The following MAD1L1 variants were observed in gnomAD, a reference collection of about 807,000 sequenced individuals.
MAD1L1 encodes mitotic arrest deficient 1 like 1, also known as mitotic spindle assembly checkpoint protein MAD1.
A neutral mutation model predicts 96.9 loss-of-function variants in MAD1L1; 95 were observed. The ratio of observed to expected loss-of-function variants is 0.98; its 90% confidence interval spans 0.83 to 1.16. The LOEUF (loss-of-function observed/expected upper bound fraction) is 1.16, where lower values mean the gene tolerates loss of function less well. Ranked by LOEUF, MAD1L1 falls within the 50% of genes most tolerant of loss-of-function variation. The pLI is 0.00. For synonymous variants in MAD1L1, 473 were observed against 396.6 expected (o/e 1.19, Z -2.29); for missense variants, 1,007 against 954.4 (o/e 1.06, Z -0.73).
intron 15 of MAD1L1, among the ~76,000 whole-genome samples, chr7:1,973,087 T>C (rs1282014691): frequency 6.6e-6 from 1 of 152,240 alleles, no homozygotes; most frequent in East Asian, 1.9e-4. Flanking sequence ...CTGTTGTGAC[T>C]GTCCCAGGTG....
rs1791251773 is a variant in MAD1L1, at chr7:2,182,566, A to G, written c.986+30646T>C. Among the ~76,000 whole-genome samples, 4 of 152,322 alleles carry G rather than the reference A, an allele frequency of 2.6e-5. No individual in the cohort carries two copies. The South Asian group carries it at 8.3e-4, about 32-fold the overall frequency. Reference sequence around the variant, plus strand: ...AGAAAGTGAAACAACCCAAATGTCTACAGCTGATGAATGGGTCACTGAAAT... The same window carrying G: ...AGAAAGTGAAACAACCCAAATGTCTGCAGCTGATGAATGGGTCACTGAAAT... On this transcript the variant is annotated intron_variant, in intron 10 of 18. Coordinates refer to ENST00000265854, the MANE Select transcript of MAD1L1 (RefSeq NM_001013836.2).
chr7:1,995,644 G>A (rs1781521917), intron 14 of MAD1L1, among the ~76,000 whole-genome samples: 1 of 152,144 alleles, frequency 6.6e-6, no homozygotes, highest in Non-Finnish European at 1.5e-5. Flanking sequence ...CCCCAGACCT[G>A]CCCCAGACAC....
At chr7:1,920,421 T>C (rs1018885633) in intron 17 of MAD1L1, among the ~76,000 whole-genome samples, 2 of 152,154 alleles carry the variant, frequency 1.3e-5, no homozygotes, top group African/African-American at 2.4e-5. Context: ...AGCCTCACAC[T>C]GTGTTGTGGA....
chr7:2,130,244 T>C lies in MAD1L1; in HGVS notation c.1073+18908A>G, dbSNP rs537092090. The stretch of plus-strand genomic sequence containing the variant: ...GGGAGCTGTGCCAGCAGCATTCAGG[T>C]GCCTCCCCGCTGAAATATTTCAGTC... On this transcript the variant is annotated intron_variant, in intron 11 of 18. Transcript: ENST00000265854. Among the ~76,000 whole-genome samples, 51 of 152,278 alleles carry C rather than the reference T, an allele frequency of 3.3e-4. 2 individuals carry two copies. The South Asian group carries it at 0.011, about 32-fold the overall frequency.
At chr7:1,899,814 G>A (rs1287400810) in intron 17 of MAD1L1, among the ~76,000 whole-genome samples, 1 of 152,222 alleles carries the variant, frequency 6.6e-6, no homozygotes, top group Non-Finnish European at 1.5e-5. Flanking sequence ...GTTTAAGGTG[G>A]ACGATGCAGT....
intron 12 of MAD1L1, among the ~76,000 whole-genome samples, chr7:2,065,568 C>T (rs1490143631): frequency 6.6e-6 from 1 of 152,194 alleles, no homozygotes; most frequent in Non-Finnish European, 1.5e-5. Flanking sequence ...GAGGAACGTG[C>T]TCATTCAGCC....
At chr7:2,082,926 A>G (rs1469014366) in intron 11 of MAD1L1, among the ~76,000 whole-genome samples, 4 of 152,198 alleles carry the variant, frequency 2.6e-5, no homozygotes, top group Admixed American at 6.5e-5. Context: ...GACCCAAAGC[A>G]CAGAAGTCAA....
chr7:2,171,930 TG>T (rs1790727152), intron 10 of MAD1L1, among the ~76,000 whole-genome samples: 1 of 152,122 alleles, frequency 6.6e-6, no homozygotes, highest in African/African-American at 2.4e-5. Flanking sequence ...GGAGGGTCCC[TG>T]GGATAGACAC....
intron 14 of MAD1L1, among the ~76,000 whole-genome samples, chr7:1,984,234 C>T (rs1781048577): frequency 6.6e-6 from 1 of 151,942 alleles, no homozygotes; most frequent in Non-Finnish European, 1.5e-5. Context: ...GTGTTAGGAG[C>T]TTTTTTTTCC....
chr7:1,915,529 C>T (rs1788327855), intron 17 of MAD1L1, among the ~76,000 whole-genome samples: 1 of 152,220 alleles, frequency 6.6e-6, no homozygotes, highest in South Asian at 2.1e-4. Flanking sequence ...AGCGGTGTTC[C>T]ACGGCGGGCT....
chr7:1,827,662 G>A (rs367998855), intron 18 of MAD1L1, among the ~76,000 whole-genome samples: 2 of 66,904 alleles, frequency 3.0e-5, no homozygotes, highest in East Asian at 3.7e-4. Flanking sequence ...TCCTGAGCCC[G>A]GCCCGGGTGT....
chr7:2,007,410 G>A (rs1033256323), intron 13 of MAD1L1, among the ~76,000 whole-genome samples: 8 of 152,370 alleles, frequency 5.3e-5, no homozygotes, highest in Admixed American at 3.3e-4. Context: ...GGCCCGGCCC[G>A]GTGGCTCACG....
intron 17 of MAD1L1, among the ~76,000 whole-genome samples, chr7:1,910,100 A>T (rs947561679): frequency 6.6e-6 from 1 of 152,146 alleles, no homozygotes; most frequent in Non-Finnish European, 1.5e-5. Context: ...CTGGGGTGAC[A>T]GGCGGGCGCG....
intron 11 of MAD1L1, among the ~76,000 whole-genome samples, chr7:2,098,027 C>G (rs1786582848): frequency 6.6e-6 from 1 of 152,322 alleles, no homozygotes; most frequent in Non-Finnish European, 1.5e-5. Flanking sequence ...GCTTCACCTC[C>G]AGCGGGAGGA....
rs542177696 is a variant in MAD1L1, at chr7:2,132,376, C to T, written c.1073+16776G>A. Among the ~76,000 whole-genome samples the T allele has an allele frequency of 1.1e-4, 17 of 149,384 alleles. No homozygotes were observed. The East Asian group carries it at 2.2e-3, about 19-fold the overall frequency. On this transcript the variant is annotated intron_variant, in intron 11 of 18. Transcript: ENST00000265854. ...CGAACGCATGTCTGCAGTCCCTGTG[C>T]GACCGCGCGTCCACCATCACGGCCG...
chr7:2,154,678 G>T (rs956821870), intron 10 of MAD1L1, among the ~76,000 whole-genome samples: 10 of 152,194 alleles, frequency 6.6e-5, no homozygotes, highest in Non-Finnish European at 1.0e-4. Context: ...CTCTGGGGAT[G>T]AAGTGTATGA....
At chr7:2,099,314 G>C (rs536600870) in intron 11 of MAD1L1, among the ~76,000 whole-genome samples, 1 of 152,344 alleles carries the variant, frequency 6.6e-6, no homozygotes, top group East Asian at 1.9e-4. Flanking sequence ...TGCAGGTCAG[G>C]TGCTCGCTCT....
intron 18 of MAD1L1, among the ~76,000 whole-genome samples, chr7:1,857,026 G>A (rs1784291895): frequency 2.0e-5 from 3 of 152,152 alleles, no homozygotes; most frequent in African/African-American, 2.4e-5. Flanking sequence ...CAACCCTCCA[G>A]CAGCACTCGG....
intron 18 of MAD1L1, among the ~76,000 whole-genome samples, chr7:1,819,538 T>A (rs572692659): frequency 6.6e-6 from 1 of 152,318 alleles, no homozygotes; most frequent in East Asian, 1.9e-4. Context: ...AGCATGTCCG[T>A]GGAACACGTG....
Sources: gnomAD v4.1 joint callset for allele counts (sites outside exome capture counted in the v4.1 genomes callset) on GRCh38, gnomAD v4.1.1 for gene constraint, MANE v1.5 for transcripts, NCBI Gene and HGNC (gene_info 2026-07-23, HGNC 2026-07-21) for gene names.